Variants in VWA3B observed in about 807,000 individuals in gnomAD.
The protein encoded by VWA3B is von Willebrand factor A domain containing 3B, also known as von Willebrand factor A domain-containing protein 3B.
VWA3B carries 138 observed loss-of-function variants against 158.3 expected under a neutral mutation model. The ratio of observed to expected loss-of-function variants is 0.87; its 90% CI spans 0.76 to 1.00. The LOEUF is 1.00. Ranked by LOEUF, VWA3B falls within the 50% of genes least tolerant of loss-of-function variation. The pLI is 0.00. For missense variants in VWA3B, 1,555 were observed against 1,565.1 expected (o/e 0.99, Z 0.11); for synonymous variants, 596 against 587.3 (o/e 1.01, Z -0.21).
intron 8 of VWA3B, among the ~76,000 whole-genome samples, chr2:98,180,047 C>A (rs1372553826): frequency 6.9e-6 from 1 of 145,920 alleles, no homozygotes; most frequent in Non-Finnish European, 1.5e-5. Flanking sequence ...CTCCTTCCTC[C>A]CTCCCTCCTT....
chr2:98,260,006 G>A (rs970313484), intron 21 of VWA3B, among the ~76,000 whole-genome samples: 3 of 150,884 alleles, frequency 2.0e-5, no homozygotes, highest in Non-Finnish European at 4.5e-5. Context: ...GTTTGAATGT[G>A]GTATTTAATT....
intron 1 of VWA3B, among the ~76,000 whole-genome samples, chr2:98,087,774 C>A (rs1161243198): frequency 6.6e-6 from 1 of 152,190 alleles, no homozygotes; most frequent in Admixed American, 6.5e-5. Context: ...TATGTATAGT[C>A]TAAAAGCCAA....
chr2:98,147,807 C>T (rs1029769216), intron 7 of VWA3B, among the ~76,000 whole-genome samples: 8 of 150,430 alleles, frequency 5.3e-5, no homozygotes, highest in Non-Finnish European at 7.4e-5. Context: ...CCCATTAACT[C>T]GTCATTTACA....
intron 8 of VWA3B, among the ~76,000 whole-genome samples, chr2:98,166,400 G>A (rs935093774): frequency 1.1e-4 from 16 of 152,128 alleles, no homozygotes; most frequent in Non-Finnish European, 1.2e-4. Context: ...TAAAAGGAGG[G>A]CCCTAATCTG....
At chr2:98,263,698 C>CT (rs1687619873) in intron 21 of VWA3B, among the ~76,000 whole-genome samples, 1 of 151,964 alleles carries the variant, frequency 6.6e-6, no homozygotes, top group African/African-American at 2.4e-5. Flanking sequence ...TCTGTAGTTT[C>CT]TTTTTCCTTG....
chr2:98,195,111 T>C (rs1237074661), intron 12 of VWA3B, among the ~76,000 whole-genome samples: 1 of 152,200 alleles, frequency 6.6e-6, no homozygotes. Context: ...CTTCCAAATA[T>C]TTGAGATATA....
intron 19 of VWA3B, among the ~76,000 whole-genome samples, chr2:98,239,061 G>A (rs930646623): frequency 5.9e-5 from 9 of 152,174 alleles, no homozygotes; most frequent in African/African-American, 2.2e-4. Context: ...ATGACAGGGT[G>A]GGATGGACAC....
intron 5 of VWA3B, among the ~76,000 whole-genome samples, chr2:98,126,127 G>A (rs751101559): frequency 6.6e-6 from 1 of 152,164 alleles, no homozygotes; most frequent in African/African-American, 2.4e-5. Context: ...TTAAGAAGCC[G>A]AGTAATGAAC....
rs767186228 is a variant in VWA3B at position 98,300,108 on chromosome 2, G to A, written c.3312G>A (p.Val1104=). 1.2e-6 allele frequency: 2 copies of A among 1,614,188 alleles called. No individual in the cohort carries two copies. Among genetic ancestry groups the A allele is most frequent in the Non-Finnish European group, 1.7e-6 (2 of 1,180,036 alleles). ...GAGATTATGTGTTTGCCAAAATTGT[G>A]ATACCCAAAGGATTTGACTTCTATG... The part of the protein sequence containing the change: ...QVGDYVFAKI[V]IPKGFDFYVP... Residue 1104 remains valine (V), a synonymous_variant, in exon 25 of 28, where the codon GTG becomes GTA. Transcript: ENST00000477737.
rs138271003 is a variant in VWA3B at position 98,203,496 on chromosome 2, A to T, written c.1738-8434A>T. 3.7e-3 allele frequency among the ~76,000 whole-genome samples: 566 copies of T among 152,366 alleles called. 5 individuals carry two copies. The highest frequency in any genetic ancestry group is 0.013 in the African/African-American group (544 of 41,584). On this transcript the variant is annotated intron_variant, in intron 12 of 27. Transcript: ENST00000477737. ...TTGCTGACATTTGGATAGAAATTGC[A>T]TTAAACCTATAGATCTAATTAGGAA...
intron 14 of VWA3B, among the ~76,000 whole-genome samples, chr2:98,220,443 G>A: frequency 6.6e-6 from 1 of 152,232 alleles, no homozygotes; most frequent in South Asian, 2.1e-4. Flanking sequence ...ATCCCTTGTA[G>A]GTCCACCATC....
At chr2:98,094,217 A>G (rs374904765) in intron 2 of VWA3B, among the ~76,000 whole-genome samples, 99 of 152,294 alleles carry the variant, frequency 6.5e-4, no homozygotes, top group African/African-American at 2.2e-3. Context: ...AGGAACCTCC[A>G]TACTGCTTTC....
rs530872995 is a variant in VWA3B, at chr2:98,091,665, C to T, written c.-32-1396C>T. ...TGCTTGCTAATGATAATACTTCTAA[C>T]TCCTTTTTATAAAACCTCCCTGACT... On this transcript the variant is annotated intron_variant, in intron 1 of 27. Transcript: ENST00000477737. Among the ~76,000 whole-genome samples the T allele has an allele frequency of 7.9e-4, 120 of 152,316 alleles. No homozygotes were observed. The Middle Eastern group carries it at 0.01, about 13-fold the overall frequency.
At chr2:98,296,687 A>G (rs1242168244) in intron 23 of VWA3B, among the ~76,000 whole-genome samples, 2 of 152,140 alleles carry the variant, frequency 1.3e-5, no homozygotes, top group African/African-American at 4.8e-5. Context: ...GCGTGTGCTC[A>G]TTTCTGTCTC....
At chr2:98,329,761 G>T in the VWA3B span, among the ~76,000 whole-genome samples, 1 of 152,168 alleles carries the variant, frequency 6.6e-6, no homozygotes, top group Non-Finnish European at 1.5e-5. Context: ...GATAATCTGG[G>T]TGGGCCTGGC....
At chr2:98,133,622 A>T in intron 6 of VWA3B, 1 of 540,218 alleles carries the variant, frequency 1.9e-6, no homozygotes, top group Non-Finnish European at 3.3e-6. Context: ...AAAATCCCAC[A>T]TCATTCACAA....
chr2:98,236,872 G>A (rs1411031083), intron 19 of VWA3B, 142 bp downstream of exon 19: 2 of 1,228,028 alleles, frequency 1.6e-6, no homozygotes, highest in South Asian at 1.5e-5. Context: ...GCAGTAAAAG[G>A]GAGAGAGAGA....
chr2:98,245,541 C>G (rs938134407), intron 19 of VWA3B: 4 of 457,012 alleles, frequency 8.8e-6, no homozygotes, highest in Non-Finnish European at 1.8e-5. Context: ...ATCTGAGCTA[C>G]TATCACACTG....
chr2:98,194,310 C>A, intron 11 of VWA3B, 51 bp from the exon 12 acceptor site: 1 of 1,589,896 alleles, frequency 6.3e-7, no homozygotes, highest in Non-Finnish European at 8.6e-7. Context: ...TACCCAAACC[C>A]TTTCTAACAT....
Sources: allele counts gnomAD v4.1 joint callset (sites outside exome capture counted in the v4.1 genomes callset), GRCh38; gene constraint gnomAD v4.1.1; transcripts MANE v1.5; gene names NCBI Gene and HGNC (gene_info 2026-07-23, HGNC 2026-07-21).